TXNDC8: variants seen among roughly 807,000 people sequenced by gnomAD.
The protein encoded by TXNDC8 is thioredoxin domain containing 8, also known as thioredoxin domain-containing protein 8.
Under a neutral mutation model 12.9 loss-of-function variants are expected in TXNDC8, and 15 were observed. The observed-to-expected ratio is 1.16, with a 90% CI of 0.78 to 1.79. TXNDC8 has a LOEUF of 1.79. Ranked by LOEUF, TXNDC8 falls within the 40% of genes most tolerant of loss-of-function variation. The probability of loss-of-function intolerance (pLI) is 0.00; values close to 1 mark genes in which losing one functional copy is unlikely to be tolerated. For synonymous variants in TXNDC8, 40 were observed against 35.4 expected, an observed-to-expected ratio of 1.13 and a Z score of -0.46; for missense variants, 128 against 113.2, an observed-to-expected ratio of 1.13 and a Z score of -0.59.
At chr9:110,323,255 A>G in intron 3 of TXNDC8, 1 of 985,438 alleles carries the variant, frequency 1.0e-6, no homozygotes, top group Non-Finnish European at 1.2e-6. Context: ...AGAATGGGAA[A>G]TGGATTGAAC....
Position 110,303,495 on chromosome 9 carries a change from A to G in TXNDC8, c.*187T>C. On this transcript the variant is annotated 3_prime_UTR_variant, in exon 5 of 5. Transcript: ENST00000423740. The stretch of plus-strand genomic sequence containing the variant: ...TTGCTCTTGCCTTTTCAAATGTCAC[A>G]AGTGTATTTTGCCTTGGAGATCAGC... 1 of 1,519,434 alleles carries G rather than the reference A, an allele frequency of 6.6e-7. No individual in the cohort carries two copies. The highest frequency in any genetic ancestry group is 8.9e-7 in the Non-Finnish European group (1 of 1,126,396). 94.1% of individuals were successfully genotyped at this position (1,519,434 alleles called of 1,614,324 possible).
chr9:110,312,072 C>T (rs570297971), intron 3 of TXNDC8, among the ~76,000 whole-genome samples: 2 of 151,568 alleles, frequency 1.3e-5, no homozygotes, highest in Non-Finnish European at 2.9e-5. Flanking sequence ...AAAAAAAAAC[C>T]GAAGTAATAT....
intron 3 of TXNDC8, among the ~76,000 whole-genome samples, chr9:110,305,278 A>C (rs999240444): frequency 4.6e-5 from 7 of 152,134 alleles, no homozygotes; most frequent in African/African-American, 1.4e-4. Flanking sequence ...TCCACTCAAC[A>C]TGATGTTTAT....
chr9:110,323,438 G>T (rs34277011), intron 3 of TXNDC8: 73,874 of 697,978 alleles, frequency 0.11, 4,419 homozygotes, highest in Middle Eastern at 0.14. Context: ...TTGAGAAATG[G>T]CTATTTAAAT....
intron 3 of TXNDC8, among the ~76,000 whole-genome samples, chr9:110,305,773 CTTTTCT>C (rs1838436773): frequency 3.6e-5 from 3 of 82,752 alleles, no homozygotes; most frequent in Non-Finnish European, 7.3e-5. Context: ...CCTTTCTTTT[CTTTTCT>C]TTTCTTTTCT....
At position 110,303,550 on chromosome 9, in the gene TXNDC8, A is replaced by AT; in HGVS notation, c.*131dup. 1 of 1,531,148 alleles carries AT rather than the reference A, an allele frequency of 6.5e-7. No homozygotes were observed. Among genetic ancestry groups the AT allele is most frequent in the Non-Finnish European group, 8.8e-7 (1 of 1,132,910 alleles). The allele number at this position is 1,531,148 out of a possible 1,614,324, so 94.8% of individuals were successfully genotyped here. A position where few individuals can be genotyped will look rare whatever the true frequency, so the allele number is the denominator to read the frequency against. The stretch of plus-strand genomic sequence containing the variant: ...ATTAATTCTTGAGTCTTGGCTTCCA[A>AT]TTTTTTAGCATCGGCTCCACAAAAC... On this transcript the variant is annotated 3_prime_UTR_variant, in exon 5 of 5. Coordinates refer to ENST00000423740, the MANE Select transcript of TXNDC8 (RefSeq NM_001286946.2).
chr9:110,334,109 G>T, intron 2 of TXNDC8, 107 bp downstream of exon 2: 1 of 816,086 alleles, frequency 1.2e-6, no homozygotes, highest in Non-Finnish European at 1.9e-6. Flanking sequence ...AAAATCTATG[G>T]CTCCAGAATG....
chr9:110,308,736 C>T (rs990001108), intron 3 of TXNDC8, among the ~76,000 whole-genome samples: 1 of 152,144 alleles, frequency 6.6e-6, no homozygotes, highest in Admixed American at 6.5e-5. Context: ...TTGCCACCTG[C>T]AGTACCAAAA....
At chr9:110,323,724 T>C (rs1016698209) in intron 3 of TXNDC8, 6 of 859,302 alleles carry the variant, frequency 7.0e-6, no homozygotes, top group Non-Finnish European at 1.0e-5. Flanking sequence ...AGATTCAGGG[T>C]GCAGTCAATG....
At chr9:110,307,005 G>A (rs916288383) in intron 3 of TXNDC8, among the ~76,000 whole-genome samples, 1 of 151,806 alleles carries the variant, frequency 6.6e-6, no homozygotes, top group Non-Finnish European at 1.5e-5. Flanking sequence ...GCAGTGATGC[G>A]ATCATAGTTC....
intron 3 of TXNDC8, among the ~76,000 whole-genome samples, chr9:110,319,608 G>A (rs1351835729): frequency 1.3e-5 from 2 of 152,196 alleles, no homozygotes; most frequent in Admixed American, 1.3e-4. Flanking sequence ...TCTATAGATG[G>A]CAAAAACTTA....
chr9:110,322,675 A>G, intron 3 of TXNDC8: 7 of 985,520 alleles, frequency 7.1e-6, no homozygotes, highest in Non-Finnish European at 8.4e-6. Context: ...CTACCAAACA[A>G]TATCAGCAGC....
chr9:110,337,498 T>G (rs552807001), intron 1 of TXNDC8, among the ~76,000 whole-genome samples: 27 of 152,276 alleles, frequency 1.8e-4, no homozygotes, highest in African/African-American at 6.5e-4. Context: ...CAGGATGGGA[T>G]GTACTAGGAG....
intron 2 of TXNDC8, 107 bp from the exon 3 acceptor site, chr9:110,329,398 A>G (rs1316589224): frequency 2.5e-6 from 2 of 792,200 alleles, no homozygotes; most frequent in African/African-American, 3.5e-5. Flanking sequence ...AAGGCTGTTA[A>G]AGAGGACTAA....
chr9:110,304,849 G>T (rs1033113830), intron 3 of TXNDC8, among the ~76,000 whole-genome samples: 2 of 152,106 alleles, frequency 1.3e-5, no homozygotes, highest in African/African-American at 2.4e-5. Flanking sequence ...CCTGTTTTTG[G>T]ACTTTTAAAG....
At chr9:110,334,449 G>A in intron 1 of TXNDC8, 129 bp from the exon 2 acceptor site, 1 of 691,358 alleles carries the variant, frequency 1.4e-6, no homozygotes, top group Non-Finnish European at 2.4e-6. Flanking sequence ...TCACTATGCT[G>A]CCCAGGCTGG....
At chr9:110,321,510 C>A (rs1839090944) in intron 3 of TXNDC8, among the ~76,000 whole-genome samples, 1 of 152,072 alleles carries the variant, frequency 6.6e-6, no homozygotes, top group Admixed American at 6.5e-5. Flanking sequence ...TTGTAAGAAG[C>A]CTTAATAGGA....
chr9:110,326,220 GT>G lies in TXNDC8; in HGVS notation c.149del (p.His50ProfsTer17). ...TCTGAAATGTGGGTATTGTTTTGAT[GT>G]GACAAGTTTCAGCCAGCTCCTGGGA... On this transcript the variant is annotated frameshift_variant, in exon 3 of 5. Transcript: ENST00000423740. LOFTEE classifies it high-confidence loss of function. 6.2e-7 allele frequency: 1 copy of G among 1,613,978 alleles called. No individual in the cohort carries two copies. The highest frequency in any genetic ancestry group is 8.5e-7 in the Non-Finnish European group (1 of 1,179,958).
At chr9:110,303,807 TATAATTCTCC>T in intron 4 of TXNDC8, 1 of 1,013,150 alleles carries the variant, frequency 9.9e-7, no homozygotes, top group Non-Finnish European at 1.4e-6. Context: ...GCCAGATCTC[TATAATTCTCC>T]ATAATATACC....
Sources: allele counts gnomAD v4.1 joint callset (sites outside exome capture counted in the v4.1 genomes callset), GRCh38; gene constraint gnomAD v4.1.1; transcripts MANE v1.5; gene names NCBI Gene and HGNC (gene_info 2026-07-23, HGNC 2026-07-21).